Variants in ALPK2 observed in about 807,000 individuals in gnomAD.
ALPK2 encodes the protein alpha kinase 2.
ALPK2 carries 127 observed loss-of-function variants against 163.1 expected under a neutral mutation model. That is an observed-to-expected ratio of 0.78 (90% CI 0.67 to 0.90). The LOEUF (loss-of-function observed/expected upper bound fraction) is 0.90. ALPK2 is among the 40% of genes least tolerant of loss of function. The probability of loss-of-function intolerance (pLI) is 0.00; values close to 1 mark genes in which losing one functional copy is unlikely to be tolerated. For missense variants in ALPK2, 2,360 were observed against 2,589.6 expected (o/e 0.91, Z 1.92); for synonymous variants, 953 against 959.1 (o/e 0.99, Z 0.12).
At chr18:58,492,340 A>G (rs2051379983) in intron 12 of ALPK2, among the ~76,000 whole-genome samples, 1 of 152,080 alleles carries the variant, frequency 6.6e-6, no homozygotes, top group Non-Finnish European at 1.5e-5. Context: ...TACCTTCTAG[A>G]CTTTTCCTTG....
chr18:58,523,736 T>C (rs2051568400), intron 8 of ALPK2, 70 bp downstream of exon 8: 3 of 1,593,124 alleles, frequency 1.9e-6, no homozygotes, highest in Non-Finnish European at 2.6e-6. Context: ...TTCTACTCTT[T>C]CCTCTGGGAG....
chr18:58,505,844 C>T (rs913699115), intron 10 of ALPK2, among the ~76,000 whole-genome samples: 3 of 151,880 alleles, frequency 2.0e-5, no homozygotes, highest in Non-Finnish European at 4.4e-5. Context: ...CCCCTTTGCT[C>T]TCAGCAGCTC....
chr18:58,569,300 G>A (rs975425674), intron 4 of ALPK2, among the ~76,000 whole-genome samples: 7 of 152,156 alleles, frequency 4.6e-5, no homozygotes, highest in African/African-American at 9.7e-5. Context: ...AGCTTCCAAC[G>A]CCCACACTGC....
intron 11 of ALPK2, among the ~76,000 whole-genome samples, chr18:58,499,166 G>A (rs1284648271): frequency 6.6e-6 from 1 of 152,148 alleles, no homozygotes. Flanking sequence ...GTGGGGATAG[G>A]TGGGGGATAT....
chr18:58,613,757 C>T (rs182491811), intron 1 of ALPK2, among the ~76,000 whole-genome samples: 43 of 150,308 alleles, frequency 2.9e-4, no homozygotes, highest in Non-Finnish European at 4.3e-4. Context: ...AATAAAAAGA[C>T]GGCACCCTTC....
intron 4 of ALPK2, among the ~76,000 whole-genome samples, chr18:58,557,783 A>G (rs1003280989): frequency 6.6e-6 from 1 of 151,890 alleles, no homozygotes; most frequent in Admixed American, 6.6e-5. Context: ...ATTGAGGCCC[A>G]GGGCAATAGC....
At chr18:58,591,700 A>G (rs2052015670) in intron 3 of ALPK2, among the ~76,000 whole-genome samples, 1 of 152,210 alleles carries the variant, frequency 6.6e-6, no homozygotes, top group African/African-American at 2.4e-5. Context: ...AGGAGGCAGG[A>G]AAGCTTCAGG....
rs1265661158 is a variant in ALPK2, at chr18:58,607,448, A to G, written c.110-9T>C. On this transcript the variant is annotated splice_polypyrimidine_tract_variant and intron_variant, in intron 2 of 12. Transcript: ENST00000361673. ...CTCTGGCTTGGGCTGACCTGACAAT[A>G]AAGAAAGAAAAGTATCCTTATTAGT... is the stretch of plus-strand genomic sequence containing the variant. 1 of 1,547,866 alleles carries G rather than the reference A, an allele frequency of 6.5e-7. No homozygotes were observed. The highest frequency in any genetic ancestry group is 8.8e-7 in the Non-Finnish European group (1 of 1,136,608).
intron 6 of ALPK2, chr18:58,528,757 T>C (rs2051596612): frequency 1.4e-5 from 4 of 293,528 alleles, no homozygotes; most frequent in Admixed American, 5.0e-5. Flanking sequence ...GACATACAGA[T>C]GAGAGCTCTT....
At chr18:58,618,097 G>A (rs1248415403) in intron 1 of ALPK2, among the ~76,000 whole-genome samples, 1 of 152,202 alleles carries the variant, frequency 6.6e-6, no homozygotes, top group East Asian at 1.9e-4. Context: ...CCAGGCTGGA[G>A]TGCAATGGCA....
rs146022761 is a variant in ALPK2, at chr18:58,576,237, G to T, written c.1962+2577C>A. ...AAAAATATGAAAATTAGCCAGGTGT[G>T]GTGGCGGGTGCCTGTAATCTCAGCT... On this transcript the variant is annotated intron_variant, in intron 4 of 12. Coordinates refer to ENST00000361673, the MANE Select transcript of ALPK2 (RefSeq NM_052947.4). 5.3e-3 allele frequency among the ~76,000 whole-genome samples: 802 copies of T among 152,256 alleles called. 4 individuals carry two copies. Among genetic ancestry groups the T allele is most frequent in the African/African-American group, 0.018 (756 of 41,534 alleles).
intron 1 of ALPK2, among the ~76,000 whole-genome samples, chr18:58,625,863 G>A (rs562656306): frequency 1.3e-5 from 2 of 152,338 alleles, no homozygotes; most frequent in South Asian, 2.1e-4. Flanking sequence ...GATGTCTGAA[G>A]TCTCCTGATC....
chr18:58,592,455 G>A (rs1199504843), intron 3 of ALPK2, among the ~76,000 whole-genome samples: 1 of 152,192 alleles, frequency 6.6e-6, no homozygotes, highest in Non-Finnish European at 1.5e-5. Flanking sequence ...TTACATTTTG[G>A]CTGGGTGGAA....
intron 4 of ALPK2, among the ~76,000 whole-genome samples, chr18:58,541,942 A>C (rs369226059): frequency 5.9e-5 from 9 of 152,336 alleles, no homozygotes; most frequent in African/African-American, 1.7e-4. Flanking sequence ...GAGATTTCTT[A>C]GTTAAGTCAT....
chr18:58,532,940 G>A (rs945320935), intron 5 of ALPK2, among the ~76,000 whole-genome samples: 1 of 152,118 alleles, frequency 6.6e-6, no homozygotes, highest in Admixed American at 6.5e-5. Flanking sequence ...GCCCCAGATG[G>A]ACCCAAACAC....
chr18:58,518,275 C>T (rs2144127386), intron 8 of ALPK2, among the ~76,000 whole-genome samples: 1 of 152,184 alleles, frequency 6.6e-6, no homozygotes, highest in Admixed American at 6.5e-5. Context: ...CTGATGGTAG[C>T]TATTAAAACT....
chr18:58,598,141 C>T (rs2052050256), intron 3 of ALPK2, among the ~76,000 whole-genome samples: 1 of 152,264 alleles, frequency 6.6e-6, no homozygotes, highest in Non-Finnish European at 1.5e-5. Flanking sequence ...TAACCCCTCT[C>T]ACGGACCACG....
intron 12 of ALPK2, among the ~76,000 whole-genome samples, chr18:58,490,565 C>T (rs184178931): frequency 6.6e-6 from 1 of 152,174 alleles, no homozygotes; most frequent in African/African-American, 2.4e-5. Context: ...AGCCACAGTC[C>T]CAGCTACCCC....
chr18:58,512,861 GTGT>G (rs1286793655), intron 10 of ALPK2, among the ~76,000 whole-genome samples: 1 of 143,348 alleles, frequency 7.0e-6, no homozygotes, highest in Non-Finnish European at 1.5e-5. Context: ...TGTGTGTGGT[GTGT>G]TGTATGTGTG....
Sources: allele counts gnomAD v4.1 joint callset (sites outside exome capture counted in the v4.1 genomes callset), GRCh38; gene constraint gnomAD v4.1.1; transcripts MANE v1.5; gene names NCBI Gene and HGNC (gene_info 2026-07-23, HGNC 2026-07-21).